FHIP2A: variants seen among roughly 807,000 people sequenced by gnomAD.
The protein encoded by FHIP2A is family with sequence similarity 160 member B1.
A neutral mutation model predicts 93.5 loss-of-function variants in FHIP2A; 46 were observed. That is an observed-to-expected ratio of 0.49 (90% CI 0.39 to 0.63). The LOEUF (loss-of-function observed/expected upper bound fraction) is 0.63, where lower values mean the gene tolerates loss of function less well. FHIP2A is among the 20% of genes least tolerant of loss of function. FHIP2A has a pLI of 0.00. For missense variants in FHIP2A, 769 were observed against 909.7 expected (o/e 0.85, Z 1.99); for synonymous variants, 332 against 326.5 (o/e 1.02, Z -0.18).
Position 114,848,721 on chromosome 10 carries a change from G to C in FHIP2A, c.1787G>C (p.Arg596Pro). Residue 596 changes from arginine (R) to proline (P), a missense_variant, in exon 13 of 17, where the codon CGA becomes CCA. Transcript: ENST00000369248. ...GGCACAGGATATGACACTTACCTCCGAGACGCTCATAGGCAGGTAGGTGAA... is the reference window on the plus strand; with the variant it reads ...GGCACAGGATATGACACTTACCTCCCAGACGCTCATAGGCAGGTAGGTGAA... ...VEGTGYDTYLRDAHRQFRDYC... is the reference protein window; with the variant it reads ...VEGTGYDTYLPDAHRQFRDYC... 1.9e-6 allele frequency: 3 copies of C among 1,611,666 alleles called. No homozygotes were observed. Among genetic ancestry groups the C allele is most frequent in the Non-Finnish European group, 2.5e-6 (3 of 1,178,304 alleles).
At chr10:114,865,846 C>A (rs58549916), downstream of FHIP2A, among the ~76,000 whole-genome samples, 4 of 151,446 alleles carry the variant, frequency 2.6e-5, no homozygotes, top group African/African-American at 9.7e-5. Flanking sequence ...AGAAACACTG[C>A]ATGTGAGTTT....
Position 114,847,153 on chromosome 10 carries a change from G to A in FHIP2A, c.1632G>A (p.Glu544=), listed in dbSNP as rs776070538. 6 of 1,613,252 alleles carry A rather than the reference G, an allele frequency of 3.7e-6. No homozygotes were observed. The highest frequency in any genetic ancestry group is 5.1e-6 in the Non-Finnish European group (6 of 1,179,308). ...ISPENTLPNQ[E]WLSSSPPATP... ...CAGAAAACACTTTGCCAAACCAAGA[G>A]TGGCTTAGTTCTTCACCTCCTGCTA... is the stretch of plus-strand genomic sequence containing the variant. The change falls in exon 12 of 17, where the codon GAG becomes GAA. Residue 544 remains glutamate, a synonymous_variant. Coordinates refer to ENST00000369248, the MANE Select transcript of FHIP2A (RefSeq NM_020940.4).
At chr10:114,851,188 A>G (rs887714800) in intron 13 of FHIP2A, among the ~76,000 whole-genome samples, 5 of 152,212 alleles carry the variant, frequency 3.3e-5, no homozygotes, top group Non-Finnish European at 7.3e-5. Context: ...TGCTGGGATT[A>G]CAGTTATGAG....
Position 114,843,839 on chromosome 10 carries a change from G to C in FHIP2A, c.915G>C (p.Leu305Phe), listed in dbSNP as rs991888600. The C allele has an allele frequency of 2.5e-6, 4 of 1,612,042 alleles. No individual in the cohort carries two copies. Among genetic ancestry groups the C allele is most frequent in the Non-Finnish European group, 3.4e-6 (4 of 1,179,596 alleles). Reference sequence around the variant, plus strand: ...AGTGCCTTACACAGAGCACTTGCTTGTGTGAACTACTGACAGACAGACTTG... The same window carrying C: ...AGTGCCTTACACAGAGCACTTGCTTCTGTGAACTACTGACAGACAGACTTG... The part of the protein sequence containing the change: ...AAKCLTQSTC[L>F]CELLTDRLAS... Residue 305 changes from leucine to phenylalanine, a missense_variant, in exon 7 of 17, where the codon TTG (leucine) becomes TTC (phenylalanine). Coordinates refer to ENST00000369248, the MANE Select transcript of FHIP2A (RefSeq NM_020940.4).
chr10:114,852,419 G>T (rs1241042260), intron 13 of FHIP2A, among the ~76,000 whole-genome samples: 1 of 152,122 alleles, frequency 6.6e-6, no homozygotes, highest in Admixed American at 6.6e-5. Flanking sequence ...CTGCTCCTTT[G>T]TTTCCTGCTG....
intron 16 of FHIP2A, among the ~76,000 whole-genome samples, chr10:114,874,499 A>AT (rs536800102): frequency 1.2e-3 from 187 of 152,182 alleles, no homozygotes; most frequent in African/African-American, 4.4e-3. Context: ...CTATTTTAGT[A>AT]TTTTTTCGTT....
At chr10:114,837,034 T>C (rs188627075) in intron 5 of FHIP2A, among the ~76,000 whole-genome samples, 149 of 152,270 alleles carry the variant, frequency 9.8e-4, no homozygotes, top group African/African-American at 3.3e-3. Flanking sequence ...ACCAAGTAGC[T>C]GGGACTACAG....
At chr10:114,899,484 C>T (rs2143016930) in intron 16 of FHIP2A, 1 of 718,530 alleles carries the variant, frequency 1.4e-6, no homozygotes, top group East Asian at 2.7e-5. Flanking sequence ...TTTCTTTTAT[C>T]CTCAGGCAGA....
At chr10:114,825,939 G>A (rs1230764944) in intron 1 of FHIP2A, among the ~76,000 whole-genome samples, 1 of 152,184 alleles carries the variant, frequency 6.6e-6, no homozygotes, top group African/African-American at 2.4e-5. Context: ...TCCTTTAATG[G>A]AAGTCATCTT....
At chr10:114,868,106 T>A (rs1283196914), downstream of FHIP2A, among the ~76,000 whole-genome samples, 1 of 152,072 alleles carries the variant, frequency 6.6e-6, no homozygotes, top group Non-Finnish European at 1.5e-5. Flanking sequence ...TTTATTTTTG[T>A]AGAGATACAG....
intron 13 of FHIP2A, among the ~76,000 whole-genome samples, chr10:114,852,200 T>C (rs578064116): frequency 6.6e-6 from 1 of 151,954 alleles, no homozygotes; most frequent in African/African-American, 2.4e-5. Context: ...CATATTATGA[T>C]GTGGCCAAAA....
downstream of FHIP2A, among the ~76,000 whole-genome samples, chr10:114,866,159 G>A (rs2083828299): frequency 6.6e-6 from 1 of 151,360 alleles, no homozygotes; most frequent in African/African-American, 2.4e-5. Flanking sequence ...CCCAGTGTGT[G>A]TTGTTTCCCG....
chr10:114,827,941 T>G (rs1379913994), intron 1 of FHIP2A, among the ~76,000 whole-genome samples: 1 of 152,148 alleles, frequency 6.6e-6, no homozygotes, highest in African/African-American at 2.4e-5. Context: ...TTGCATGAAT[T>G]TTTTAAAATT....
chr10:114,895,865 A>C (rs2083998629), intron 16 of FHIP2A, among the ~76,000 whole-genome samples: 1 of 152,232 alleles, frequency 6.6e-6, no homozygotes, highest in Admixed American at 6.5e-5. Flanking sequence ...GATGTAAGGC[A>C]TATCAGTTAG....
chr10:114,842,780 A>T (rs116170436), intron 5 of FHIP2A, among the ~76,000 whole-genome samples, 153 bp from the exon 6 acceptor site: 2 of 152,216 alleles, frequency 1.3e-5, no homozygotes, highest in African/African-American at 4.8e-5. Context: ...TCTAAAACAC[A>T]GTTTGTTAAA....
chr10:114,825,804 C>T (rs2083572376), intron 1 of FHIP2A, among the ~76,000 whole-genome samples: 1 of 152,208 alleles, frequency 6.6e-6, no homozygotes, highest in South Asian at 2.1e-4. Flanking sequence ...GAGCCTAGTC[C>T]TCACTAGGGA....
At position 114,875,162 on chromosome 10, in the gene FHIP2A, G is replaced by A. The variant is rs1028627702; in HGVS notation, c.2192+13828G>A. On this transcript the variant is annotated intron_variant, in intron 16 of 16. Transcript: ENST00000369250. ...GGCTCAGTTCCGAGGGAAGGAAGGC[G>A]GCCGGCGGAGGCAGTGCTGTGCTGC... is the stretch of plus-strand genomic sequence containing the variant. Among the ~76,000 whole-genome samples the A allele has an allele frequency of 5.3e-5, 8 of 152,308 alleles. No individual in the cohort carries two copies. In the South Asian group the frequency reaches 1.2e-3, roughly 24 times the overall value.
chr10:114,889,964 G>C (rs940843471), intron 16 of FHIP2A, among the ~76,000 whole-genome samples: 6 of 152,160 alleles, frequency 3.9e-5, no homozygotes, highest in Non-Finnish European at 8.8e-5. Flanking sequence ...CAACCCCACA[G>C]TGACCTTGCC....
rs3180654 is a variant in FHIP2A, at chr10:114,855,286, T to C, written c.1893T>C (p.Phe631=). 587,883 of 1,613,018 alleles carry C rather than the reference T, an allele frequency of 0.36. 112,544 individuals are homozygous for C. The highest frequency in any genetic ancestry group is 0.39 in the Non-Finnish European group (463,051 of 1,179,166). ...AGTGCAATTTAGAAGCTGCTTTCTT[T>C]GAAGGTCATTTTTTGAAAGTGCTGT... is the stretch of plus-strand genomic sequence containing the variant. The part of the protein sequence containing the change: ...LEKCNLEAAF[F]EGHFLKVLFD... The change falls in exon 14 of 17, where the codon TTT becomes TTC. Residue 631 remains phenylalanine, a synonymous_variant. Coordinates refer to ENST00000369248, the MANE Select transcript of FHIP2A (RefSeq NM_020940.4).
Sources: allele counts gnomAD v4.1 joint callset (sites outside exome capture counted in the v4.1 genomes callset), GRCh38; gene constraint gnomAD v4.1.1; transcripts MANE v1.5; gene names NCBI Gene and HGNC (gene_info 2026-07-23, HGNC 2026-07-21).